SDK1: variants seen among roughly 807,000 people sequenced by gnomAD.
SDK1 encodes the protein protein sidekick-1.
Under a neutral mutation model 245.5 loss-of-function variants are expected in SDK1, and 157 were observed. The ratio of observed to expected loss-of-function variants is 0.64; its 90% CI spans 0.56 to 0.73. SDK1 has a LOEUF of 0.73. Among genes scored for constraint, SDK1 ranks in the 30% least tolerant of loss-of-function variants. The pLI, the probability that SDK1 is intolerant of heterozygous loss-of-function variation, is 0.00. For synonymous variants in SDK1, 1,647 were observed against 1,278.5 expected, an observed-to-expected ratio of 1.29 and a Z score of -6.15; for missense variants, 3,583 against 3,002.3, an observed-to-expected ratio of 1.19 and a Z score of -4.52.
chr7:4,026,214 A>T lies in SDK1; in HGVS notation c.2602+8862A>T, dbSNP rs1445548208. Among the ~76,000 whole-genome samples, 1 of 152,200 alleles carries T rather than the reference A, an allele frequency of 6.6e-6. No individual in the cohort carries two copies. The highest frequency in any genetic ancestry group is 1.5e-5 in the Non-Finnish European group (1 of 68,034). On this transcript the variant is annotated intron_variant, in intron 17 of 44. Transcript: ENST00000404826. The surrounding 1 kb of genome is among the most constrained non-coding windows in gnomAD (Gnocchi z 4.1). Reference sequence around the variant, plus strand: ...GAGAAACCACAAACATGCAATTTTCAGATGCGGAGAATGCAGAGACAGGGC... The same window carrying T: ...GAGAAACCACAAACATGCAATTTTCTGATGCGGAGAATGCAGAGACAGGGC...
chr7:3,581,906 A>G (rs1258709116), intron 1 of SDK1, among the ~76,000 whole-genome samples: 1 of 152,244 alleles, frequency 6.6e-6, no homozygotes, highest in East Asian at 1.9e-4. Flanking sequence ...ACAGAAAACC[A>G]AATATCACAT....
intron 4 of SDK1, among the ~76,000 whole-genome samples, chr7:3,759,150 T>G (rs1445160069): frequency 6.6e-6 from 1 of 152,236 alleles, no homozygotes; most frequent in Non-Finnish European, 1.5e-5. Context: ...TGGCTCATTT[T>G]TCCTTTATCC....
intron 22 of SDK1, among the ~76,000 whole-genome samples, chr7:4,084,665 TGTTATGTTAC>T (rs200663562): frequency 0.038 from 4,412 of 116,696 alleles, 161 homozygotes; most frequent in African/African-American, 0.16. Flanking sequence ...TAAATGTATA[TGTTATGTTAC>T]GTTATGTTAT....
intron 4 of SDK1, among the ~76,000 whole-genome samples, chr7:3,780,210 A>G (rs920356908): frequency 2.6e-5 from 4 of 152,226 alleles, no homozygotes; most frequent in African/African-American, 9.6e-5. Context: ...CCAAGTTGGC[A>G]CAGTGCCAGA....
At position 4,268,670 on chromosome 7, in the gene SDK1, G is replaced by A. The variant is rs562800320; in HGVS notation, c.*3286G>A. 1.3e-4 allele frequency: 181 copies of A among 1,367,760 alleles called. 4 individuals carry two copies. In the South Asian group the frequency reaches 1.9e-3, roughly 15 times the overall value. The allele number at this position is 1,367,760 out of a possible 1,614,324, so 84.7% of individuals were successfully genotyped here. A position where few individuals can be genotyped will look rare whatever the true frequency, so the allele number is the denominator to read the frequency against. ...GGTTTTTATTTCTTACGCATTCTTG[G>A]CACACAGTGTAGCTATCCTCCTGAC... On this transcript the variant is annotated 3_prime_UTR_variant, in exon 45 of 45. Coordinates refer to ENST00000404826, the MANE Select transcript of SDK1 (RefSeq NM_152744.4).
At chr7:3,731,852 C>T (rs772715011) in intron 4 of SDK1, among the ~76,000 whole-genome samples, 5 of 152,176 alleles carry the variant, frequency 3.3e-5, no homozygotes, top group South Asian at 2.1e-4. Flanking sequence ...AGTGCAGTGG[C>T]GTGATGTTGG....
chr7:3,999,101 A>G (rs1301347885), intron 14 of SDK1, among the ~76,000 whole-genome samples: 1 of 152,170 alleles, frequency 6.6e-6, no homozygotes, highest in Non-Finnish European at 1.5e-5. Flanking sequence ...AGCTCTCTTT[A>G]AAAATAGGAG....
intron 28 of SDK1, among the ~76,000 whole-genome samples, chr7:4,133,308 C>T (rs777712435): frequency 6.6e-6 from 1 of 152,228 alleles, no homozygotes; most frequent in Admixed American, 6.5e-5. Context: ...ATCCCAGTTC[C>T]TTGACTCATT....
intron 4 of SDK1, among the ~76,000 whole-genome samples, chr7:3,711,281 T>C (rs982500630): frequency 1.3e-5 from 2 of 152,194 alleles, no homozygotes; most frequent in African/African-American, 4.8e-5. Context: ...CCATTATCTT[T>C]GCTATTAAGG....
At chr7:3,721,015 T>G (rs558383817) in intron 4 of SDK1, among the ~76,000 whole-genome samples, 3 of 152,086 alleles carry the variant, frequency 2.0e-5, no homozygotes, top group Non-Finnish European at 4.4e-5. Context: ...ACCGCATGAG[T>G]CCATTTAGAT....
intron 13 of SDK1, among the ~76,000 whole-genome samples, chr7:3,984,102 C>G (rs763628251): frequency 6.6e-6 from 1 of 152,146 alleles, no homozygotes; most frequent in Non-Finnish European, 1.5e-5. Context: ...GTGCCTGCTT[C>G]GGGTAGATAC....
chr7:3,893,938 C>G (rs1012693279), intron 5 of SDK1, among the ~76,000 whole-genome samples: 24 of 152,150 alleles, frequency 1.6e-4, no homozygotes, highest in Admixed American at 1.0e-3. Context: ...ATTAGAAGTT[C>G]ATCTGAACTG....
In SDK1 at chr7:4,167,628, G is replaced by T. The variant is rs982096745; in HGVS notation, c.4800+5772G>T. 2.0e-5 allele frequency among the ~76,000 whole-genome samples: 3 copies of T among 152,326 alleles called. No individual in the cohort carries two copies. In the South Asian group the frequency reaches 6.2e-4, roughly 32 times the overall value. ...CTCCGGCAAGTCCCACTCCACCCCA[G>T]GGCTCTGACTGAGCATCCGCCATGG... On this transcript the variant is annotated intron_variant, in intron 32 of 44. Coordinates refer to ENST00000404826, the MANE Select transcript of SDK1 (RefSeq NM_152744.4).
In SDK1 at chr7:3,301,502, G is replaced by A. The variant is rs1245585142; in HGVS notation, c.-85G>A. Reference sequence around the variant, plus strand: ...GCCGGGGGGCGCCGCGCCTCCCGCGGAGTGGCCGCGCCCGCTCGGAGCCGT... The same window carrying A: ...GCCGGGGGGCGCCGCGCCTCCCGCGAAGTGGCCGCGCCCGCTCGGAGCCGT... On this transcript the variant is annotated 5_prime_UTR_variant, in exon 1 of 45. Transcript: ENST00000404826. 3 of 403,594 alleles carry A rather than the reference G, an allele frequency of 7.4e-6. No homozygotes were observed. The highest frequency in any genetic ancestry group is 2.2e-5 in the African/African-American group (1 of 45,282). The allele number at this position is 403,594 out of a possible 1,614,324, so 25.0% of individuals were successfully genotyped here.
rs759529254 is a variant in SDK1 at position 4,145,737 on chromosome 7, A to T, written c.4244A>T (p.Tyr1415Phe). 2.5e-6 allele frequency: 4 copies of T among 1,607,806 alleles called. No individual in the cohort carries two copies. In the Admixed American group the frequency reaches 6.7e-5, roughly 27 times the overall value. The change falls in exon 29 of 45, where the codon TAC becomes TTC. Residue 1415 changes from tyrosine to phenylalanine, a missense_variant. Transcript: ENST00000404826. ...CTGCCTGCAGGGTACCAGATTGCCT[A>T]CCGCCTGGCCAGCAGCAGCCCCCAC... ...NGIILGYQIA[Y>F]RLASSSPHTF... is the part of the protein sequence containing the mutation.
intron 1 of SDK1, among the ~76,000 whole-genome samples, chr7:3,565,403 T>A (rs1252829632): frequency 6.6e-6 from 1 of 152,234 alleles, no homozygotes; most frequent in Non-Finnish European, 1.5e-5. Flanking sequence ...TCATTACCTC[T>A]GCTGCTACTT....
Position 3,951,938 on chromosome 7 carries a change from A to G in SDK1, c.1150+18A>G, listed in dbSNP as rs763677172. 12 of 1,604,980 alleles carry G rather than the reference A, an allele frequency of 7.5e-6. No homozygotes were observed. Among genetic ancestry groups the G allele is most frequent in the Admixed American group, 5.2e-5 (3 of 57,796 alleles). On this transcript the variant is annotated intron_variant, in intron 7 of 44. Coordinates refer to ENST00000404826, the MANE Select transcript of SDK1 (RefSeq NM_152744.4). ...CATCATAGGTAATGCGGGAGCCTCT[A>G]AGTGGTGTTGCCAGCATCTCAGATA...
At chr7:3,390,421 A>G (rs1438532089) in intron 1 of SDK1, among the ~76,000 whole-genome samples, 6 of 152,336 alleles carry the variant, frequency 3.9e-5, no homozygotes, top group Non-Finnish European at 8.8e-5. Context: ...AGAACTGTGC[A>G]TCCTCTTATT....
rs946334769 is a variant in SDK1, at chr7:3,438,919, C to G, written c.298+137035C>G. On this transcript the variant is annotated intron_variant, in intron 1 of 44. Coordinates refer to ENST00000404826, the MANE Select transcript of SDK1 (RefSeq NM_152744.4). ...CCAGGCTGGAGTGCAGTGGTGCGAT[C>G]TTGGCTCACTGCAACCTCTGCCTCC... Among the ~76,000 whole-genome samples the G allele has an allele frequency of 4.2e-4, 60 of 143,088 alleles. 1 individual carries two copies. The highest frequency in any genetic ancestry group is 8.5e-4 in the Non-Finnish European group (57 of 67,268). The allele number at this position is 143,088 out of a possible 152,430, so 93.9% of individuals were successfully genotyped here.
Sources: gnomAD v4.1 joint callset for allele counts (sites outside exome capture counted in the v4.1 genomes callset) on GRCh38, gnomAD v4.1.1 for gene constraint, Gnocchi (gnomAD v3.1) non-coding constraint, MANE v1.5 for transcripts, NCBI Gene and HGNC (gene_info 2026-07-23, HGNC 2026-07-21) for gene names.